DAB1: variants seen among roughly 807,000 people sequenced by gnomAD.
DAB1 encodes disabled homolog 1.
DAB1 carries 15 observed loss-of-function variants against 64.6 expected under a neutral mutation model. The observed-to-expected ratio is 0.23, with a 90% confidence interval of 0.16 to 0.36. DAB1 has a LOEUF of 0.36. DAB1 is among the 10% of genes least tolerant of loss of function. DAB1 has a pLI of 1.00. For synonymous variants in DAB1, 235 were observed against 251.9 expected (o/e 0.93, Z 0.64); for missense variants, 596 against 706.7 (o/e 0.84, Z 1.78).
intron 2 of DAB1, among the ~76,000 whole-genome samples, chr1:57,233,387 C>T (rs937908056): frequency 6.8e-6 from 1 of 147,782 alleles, no homozygotes; most frequent in Admixed American, 6.7e-5. Context: ...CTCAGCCTCC[C>T]AAGTAGCTGG....
At chr1:57,459,335 C>T (rs1157215267) in intron 7 of DAB1, among the ~76,000 whole-genome samples, 1 of 152,072 alleles carries the variant, frequency 6.6e-6, no homozygotes, top group Non-Finnish European at 1.5e-5. Flanking sequence ...ATTTATATAA[C>T]CATTCTCCTA....
chr1:57,251,422 T>G (rs1003661683), intron 2 of DAB1, among the ~76,000 whole-genome samples: 4 of 152,208 alleles, frequency 2.6e-5, no homozygotes, highest in African/African-American at 9.6e-5. Context: ...TATAGGCAGA[T>G]AAGTCTCCTT....
intron 7 of DAB1, among the ~76,000 whole-genome samples, chr1:57,562,694 G>C (rs1645066882): frequency 1.3e-5 from 2 of 152,168 alleles, no homozygotes; most frequent in East Asian, 3.8e-4. Flanking sequence ...TGATCCACTA[G>C]CAAAATTTTT....
At chr1:57,575,298 AC>A (rs1439084022) in intron 7 of DAB1, among the ~76,000 whole-genome samples, 12 of 152,244 alleles carry the variant, frequency 7.9e-5, no homozygotes, top group Admixed American at 2.0e-4. Flanking sequence ...TGTTAATAGT[AC>A]CTTTAAATTG....
chr1:57,631,482 T>C (rs11207077), intron 7 of DAB1, among the ~76,000 whole-genome samples: 73,056 of 152,036 alleles, frequency 0.48, 18,525 homozygotes, highest in East Asian at 0.69. Flanking sequence ...TGCATTTTTC[T>C]AGTTTATATG....
chr1:58,435,169 T>C (rs1644927834), intron 3 of DAB1, among the ~76,000 whole-genome samples: 1 of 152,146 alleles, frequency 6.6e-6, no homozygotes, highest in South Asian at 2.1e-4. Context: ...CAGGGTATTT[T>C]TTCTCTGCTT....
intron 5 of DAB1, among the ~76,000 whole-genome samples, chr1:57,941,563 A>ACT (rs1557568095): frequency 6.6e-6 from 1 of 152,214 alleles, no homozygotes; most frequent in East Asian, 1.9e-4. Context: ...TGGGCCGGGC[A>ACT]TGGTGGCTCA....
At chr1:58,474,778 G>T (rs1215716646) in intron 3 of DAB1, among the ~76,000 whole-genome samples, 1 of 152,150 alleles carries the variant, frequency 6.6e-6, no homozygotes, top group Non-Finnish European at 1.5e-5. Context: ...TGTGTGTGAA[G>T]GGAAGCATAT....
At chr1:58,527,151 A>C in intron 2 of DAB1, 3 of 720,022 alleles carry the variant, frequency 4.2e-6, no homozygotes. Context: ...TAAAGGGCTA[A>C]TACAGTCCAA....
chr1:57,410,821 G>A (rs1420906440), intron 1 of DAB1, among the ~76,000 whole-genome samples: 1 of 152,148 alleles, frequency 6.6e-6, no homozygotes, highest in Non-Finnish European at 1.5e-5. Context: ...TTTTATATGA[G>A]ACGTCCTTTT....
chr1:57,236,637 C>T (rs1042919169), intron 2 of DAB1, among the ~76,000 whole-genome samples: 4 of 152,202 alleles, frequency 2.6e-5, no homozygotes, highest in African/African-American at 9.7e-5. Flanking sequence ...CGTCATGCTA[C>T]AGAGCTTATC....
chr1:57,406,514 A>G (rs1021581926), intron 1 of DAB1, among the ~76,000 whole-genome samples: 1 of 152,186 alleles, frequency 6.6e-6, no homozygotes, highest in Non-Finnish European at 1.5e-5. Flanking sequence ...TAAATACTGA[A>G]TAAATGGATG....
intron 4 of DAB1, among the ~76,000 whole-genome samples, chr1:58,269,016 A>G (rs1028954596): frequency 9.0e-5 from 2 of 22,294 alleles, no homozygotes; most frequent in Non-Finnish European, 2.1e-4. Context: ...TTTTTTATTT[A>G]TTTTTTTTTT....
At chr1:57,988,131 G>A (rs1749774) in intron 5 of DAB1, among the ~76,000 whole-genome samples, 83,651 of 151,586 alleles carry the variant, frequency 0.55, 24,007 homozygotes, top group East Asian at 0.97. Context: ...AGGAGGTCCT[G>A]ACCACATACA....
chr1:57,616,908 G>A (rs1033622066), intron 7 of DAB1, among the ~76,000 whole-genome samples: 1 of 152,182 alleles, frequency 6.6e-6, no homozygotes, highest in Non-Finnish European at 1.5e-5. Context: ...GGTGGCAGAG[G>A]ATTGGTAACT....
chr1:57,249,095 T>C (rs905579111), intron 2 of DAB1, among the ~76,000 whole-genome samples: 4 of 152,220 alleles, frequency 2.6e-5, no homozygotes, highest in Admixed American at 2.6e-4. Flanking sequence ...TTGTCAAGTG[T>C]CTACTGAAGG....
At chr1:57,029,505 A>G (rs186701083) in intron 9 of DAB1, among the ~76,000 whole-genome samples, 131 of 152,232 alleles carry the variant, frequency 8.6e-4, no homozygotes, top group Admixed American at 3.4e-3. Flanking sequence ...GGAATGGTAG[A>G]TCCACTGATA....
At chr1:58,316,259 A>G (rs756762003) in intron 4 of DAB1, among the ~76,000 whole-genome samples, 14 of 152,186 alleles carry the variant, frequency 9.2e-5, no homozygotes, top group Non-Finnish European at 1.8e-4. Flanking sequence ...GAAGCTGCAC[A>G]CTTACCTGTG....
intron 9 of DAB1, among the ~76,000 whole-genome samples, chr1:57,054,578 C>G (rs552231523): frequency 6.7e-6 from 1 of 149,984 alleles, no homozygotes; most frequent in South Asian, 2.1e-4. Context: ...CCCGGGTTCA[C>G]GCCATTCTCC....
Sources: gnomAD v4.1 joint callset for allele counts (sites outside exome capture counted in the v4.1 genomes callset) on GRCh38, gnomAD v4.1.1 for gene constraint, MANE v1.5 for transcripts, NCBI Gene and HGNC (gene_info 2026-07-23, HGNC 2026-07-21) for gene names.